Variants in TAFA1 observed in about 807,000 individuals in gnomAD.
TAFA1 encodes chemokine-like protein TAFA-1.
In TAFA1, 4 loss-of-function variants were observed where a neutral mutation model predicts 18.5. The observed-to-expected ratio is 0.22, with a 90% CI of 0.11 to 0.49. TAFA1 has a LOEUF of 0.49. TAFA1 is among the 20% of genes least tolerant of loss of function. The pLI, the probability that TAFA1 is intolerant of heterozygous loss-of-function variation, is 0.98. For synonymous variants in TAFA1, 56 were observed against 55.2 expected (o/e 1.01, Z -0.06); for missense variants, 147 against 169.0 (o/e 0.87, Z 0.72).
chr3:68,514,369 A>C (rs1012078596), intron 3 of TAFA1, among the ~76,000 whole-genome samples: 13 of 152,188 alleles, frequency 8.5e-5, no homozygotes, highest in Non-Finnish European at 1.8e-4. Flanking sequence ...CTTTGACATG[A>C]ATTACAAATA....
At chr3:68,343,594 T>C (rs2106758132) in intron 2 of TAFA1, among the ~76,000 whole-genome samples, 1 of 152,266 alleles carries the variant, frequency 6.6e-6, no homozygotes, top group South Asian at 2.1e-4. Flanking sequence ...CAGGATATTT[T>C]AAAATTTCTG....
At chr3:68,092,097 A>G (rs1366939055) in intron 2 of TAFA1, among the ~76,000 whole-genome samples, 1 of 152,132 alleles carries the variant, frequency 6.6e-6, no homozygotes, top group Non-Finnish European at 1.5e-5. Context: ...GCCCTCTCTA[A>G]TACCCAACTC....
chr3:68,477,984 A>G (rs1858242), intron 3 of TAFA1, among the ~76,000 whole-genome samples: 105,063 of 151,754 alleles, frequency 0.69, 36,743 homozygotes, highest in Non-Finnish European at 0.74. Flanking sequence ...TCCCCTATTC[A>G]TGAGAGATTT....
chr3:68,429,331 T>A (rs2071121186), intron 3 of TAFA1, among the ~76,000 whole-genome samples: 1 of 151,950 alleles, frequency 6.6e-6, no homozygotes, highest in Admixed American at 6.6e-5. Context: ...AATTTATTAC[T>A]TATATCATCC....
At chr3:68,441,669 A>T (rs553960613) in intron 3 of TAFA1, among the ~76,000 whole-genome samples, 1 of 152,278 alleles carries the variant, frequency 6.6e-6, no homozygotes, top group Non-Finnish European at 1.5e-5. Context: ...TACATCAGGA[A>T]GTGTCTCAAA....
intron 2 of TAFA1, among the ~76,000 whole-genome samples, chr3:68,155,956 C>G (rs902251486): frequency 6.6e-6 from 1 of 152,064 alleles, no homozygotes; most frequent in South Asian, 2.1e-4. Flanking sequence ...AACACAACAG[C>G]GGTTGCAGGC....
At chr3:68,246,064 G>C (rs552444693) in intron 2 of TAFA1, among the ~76,000 whole-genome samples, 1 of 152,090 alleles carries the variant, frequency 6.6e-6, no homozygotes, top group Admixed American at 6.5e-5. Context: ...GACGATGTCC[G>C]GTACCATCCT....
At chr3:68,454,761 T>A (rs910779168) in intron 3 of TAFA1, among the ~76,000 whole-genome samples, 3 of 152,200 alleles carry the variant, frequency 2.0e-5, no homozygotes, top group Non-Finnish European at 4.4e-5. Context: ...CCAAAAATGT[T>A]CACTTAAAAT....
intron 2 of TAFA1, among the ~76,000 whole-genome samples, chr3:68,033,075 G>GTAAT (rs1328156412): frequency 1.4e-4 from 22 of 152,090 alleles, no homozygotes; most frequent in African/African-American, 5.3e-4. Context: ...ACTTAGGAAG[G>GTAAT]TAATACCTAG....
At chr3:68,517,367 C>A (rs922115842) in intron 3 of TAFA1, among the ~76,000 whole-genome samples, 1 of 152,104 alleles carries the variant, frequency 6.6e-6, no homozygotes, top group Non-Finnish European at 1.5e-5. Flanking sequence ...AGAATCAGTT[C>A]CTAAAAGTGA....
At chr3:68,459,297 A>G (rs2071729474) in intron 3 of TAFA1, among the ~76,000 whole-genome samples, 1 of 152,220 alleles carries the variant, frequency 6.6e-6, no homozygotes, top group Non-Finnish European at 1.5e-5. Context: ...AACCTGTAGG[A>G]CAATAAGCAA....
At chr3:68,159,496 G>A (rs2065901381) in intron 2 of TAFA1, among the ~76,000 whole-genome samples, 1 of 152,158 alleles carries the variant, frequency 6.6e-6, no homozygotes, top group South Asian at 2.1e-4. Context: ...TAAGAAAAGA[G>A]AATGAATTAC....
intron 2 of TAFA1, among the ~76,000 whole-genome samples, chr3:68,386,782 C>A (rs2070114354): frequency 6.6e-6 from 1 of 152,134 alleles, no homozygotes; most frequent in South Asian, 2.1e-4. Flanking sequence ...TGTGTAGCTG[C>A]AGCTTTGCCT....
rs1304372524 is a variant in TAFA1, at chr3:68,026,045, A to G, written c.118+19301A>G. On this transcript the variant is annotated intron_variant, in intron 2 of 4. Coordinates refer to ENST00000478136, the MANE Select transcript of TAFA1 (RefSeq NM_213609.4). Reference sequence around the variant, plus strand: ...ATTTGCTGACTAAATGAATGAATAAATAAAAGAAAAATGTCAGGACCACAT... The same window carrying G: ...ATTTGCTGACTAAATGAATGAATAAGTAAAAGAAAAATGTCAGGACCACAT... Among the ~76,000 whole-genome samples the G allele has an allele frequency of 2.6e-5, 4 of 152,202 alleles. No individual in the cohort carries two copies. In the East Asian group the frequency reaches 5.8e-4, roughly 22 times the overall value.
intron 2 of TAFA1, among the ~76,000 whole-genome samples, chr3:68,314,192 A>G (rs1410109188): frequency 1.3e-5 from 2 of 152,188 alleles, no homozygotes; most frequent in Non-Finnish European, 2.9e-5. Flanking sequence ...TACCCTTTGT[A>G]TTGAACACCT....
chr3:68,057,499 C>T lies in TAFA1; in HGVS notation c.118+50755C>T, dbSNP rs534162772. ...AGGTGGAAGCAATCTGCTTCCTTTC[C>T]CTTTTTATACATTAGAAACAATTTT... is the stretch of plus-strand genomic sequence containing the variant. On this transcript the variant is annotated intron_variant, in intron 2 of 4. Transcript: ENST00000478136. Among the ~76,000 whole-genome samples, 6 of 152,236 alleles carry T rather than the reference C, an allele frequency of 3.9e-5. No individual in the cohort carries two copies. The East Asian group carries it at 1.2e-3, about 29-fold the overall frequency.
intron 3 of TAFA1, among the ~76,000 whole-genome samples, chr3:68,481,777 C>T (rs538869218): frequency 1.3e-5 from 2 of 152,144 alleles, no homozygotes; most frequent in Non-Finnish European, 2.9e-5. Flanking sequence ...AGATTTGTCT[C>T]TAAATCACTG....
chr3:68,370,768 G>A (rs1467553941), intron 2 of TAFA1, among the ~76,000 whole-genome samples: 1 of 134,856 alleles, frequency 7.4e-6, no homozygotes, highest in African/African-American at 2.7e-5. Flanking sequence ...AACCTCCTCG[G>A]GTGTTTTCGT....
At chr3:68,235,018 C>T (rs1432623239) in intron 2 of TAFA1, among the ~76,000 whole-genome samples, 1 of 152,132 alleles carries the variant, frequency 6.6e-6, no homozygotes, top group Non-Finnish European at 1.5e-5. Context: ...CTGCCCCCAC[C>T]TTGTATGCAC....
Sources: allele counts gnomAD v4.1 joint callset (sites outside exome capture counted in the v4.1 genomes callset), GRCh38; gene constraint gnomAD v4.1.1; transcripts MANE v1.5; gene names NCBI Gene and HGNC (gene_info 2026-07-23, HGNC 2026-07-21).